Variants in MAST2 observed in about 807,000 individuals in gnomAD.
MAST2 encodes microtubule associated serine/threonine kinase 2, also known as microtubule-associated serine/threonine-protein kinase 2.
Under a neutral mutation model 147.4 loss-of-function variants are expected in MAST2, and 70 were observed. That is an observed-to-expected ratio of 0.47 (90% CI 0.39 to 0.58). The LOEUF is 0.58. MAST2 is among the 20% of genes least tolerant of loss of function. The pLI is 0.00. For synonymous variants in MAST2, 869 were observed against 896.8 expected (o/e 0.97, Z 0.55); for missense variants, 2,080 against 2,302.3 (o/e 0.90, Z 1.98).
chr1:45,913,935 G>T (rs1652068910), intron 4 of MAST2: 1 of 1,122,116 alleles, frequency 8.9e-7, no homozygotes, highest in Admixed American at 4.0e-5. Context: ...AAAAACTAAT[G>T]CCAACTAACA....
chr1:46,017,560 T>C (rs1463232436), intron 10 of MAST2, among the ~76,000 whole-genome samples: 6 of 151,788 alleles, frequency 4.0e-5, no homozygotes, highest in Non-Finnish European at 7.4e-5. Flanking sequence ...AAAAAACACA[T>C]GAAAAAATGC....
chr1:45,811,183 T>TTTA (rs1644282643), intron 1 of MAST2, among the ~76,000 whole-genome samples: 1 of 140,304 alleles, frequency 7.1e-6, no homozygotes, highest in African/African-American at 2.8e-5. Context: ...TTTTTTTTTT[T>TTTA]GAGACGAAGT....
intron 4 of MAST2, among the ~76,000 whole-genome samples, chr1:45,955,192 A>G (rs1471631919): frequency 6.6e-6 from 1 of 152,140 alleles, no homozygotes; most frequent in Non-Finnish European, 1.5e-5. Context: ...AATATATACC[A>G]TCATATATAT....
intron 4 of MAST2, among the ~76,000 whole-genome samples, chr1:45,899,009 T>G (rs892873011): frequency 4.6e-5 from 7 of 152,210 alleles, no homozygotes; most frequent in South Asian, 2.1e-4. Flanking sequence ...TTGGTTACAT[T>G]GCATGAGGTC....
chr1:45,892,243 A>G (rs1191944213), intron 4 of MAST2, among the ~76,000 whole-genome samples: 1 of 152,094 alleles, frequency 6.6e-6, no homozygotes, highest in East Asian at 1.9e-4. Context: ...CTGTAAGGAG[A>G]CTCAGTAAGA....
At chr1:45,816,929 G>T (rs967204943) in intron 1 of MAST2, among the ~76,000 whole-genome samples, 10 of 152,070 alleles carry the variant, frequency 6.6e-5, no homozygotes, top group Non-Finnish European at 1.2e-4. Flanking sequence ...CACCTGCCTC[G>T]GCTTCCCAAA....
intron 1 of MAST2, among the ~76,000 whole-genome samples, chr1:45,817,867 T>G (rs898464156): frequency 6.6e-6 from 1 of 152,152 alleles, no homozygotes; most frequent in Admixed American, 6.5e-5. Flanking sequence ...TCTTTATTAA[T>G]CAAAATAGGA....
At position 45,845,259 on chromosome 1, in the gene MAST2, A is replaced by G. The variant is rs150714993; in HGVS notation, c.468+15678A>G. On this transcript the variant is annotated intron_variant, in intron 3 of 28. Coordinates refer to ENST00000361297, the MANE Select transcript of MAST2 (RefSeq NM_015112.3). ...GAACGGCATTATTAAACCACTAGTA[A>G]AAAGTTATAAGAGCAGGTTTTGTTT... Among the ~76,000 whole-genome samples the G allele has an allele frequency of 2.0e-3, 301 of 152,314 alleles. 2 individuals carry two copies. Among genetic ancestry groups the G allele is most frequent in the African/African-American group, 7.0e-3 (292 of 41,576 alleles).
intron 12 of MAST2, 137 bp downstream of exon 12, chr1:46,022,219 A>G (rs181665427): frequency 3.8e-6 from 4 of 1,039,180 alleles, no homozygotes; most frequent in African/African-American, 1.6e-5. Context: ...ATTTTAGGAG[A>G]TACCCTGTGA....
intron 5 of MAST2, among the ~76,000 whole-genome samples, chr1:45,980,641 C>A (rs1644370085): frequency 6.6e-6 from 1 of 152,034 alleles, no homozygotes. Flanking sequence ...CTCAAACAGT[C>A]CTCCCACCTC....
chr1:45,978,990 C>G (rs1040910577), intron 5 of MAST2, among the ~76,000 whole-genome samples: 4 of 152,128 alleles, frequency 2.6e-5, no homozygotes, highest in Admixed American at 6.5e-5. Context: ...AAACTGCACA[C>G]TTAAGGGTAA....
At chr1:45,930,840 A>G (rs1443356690) in intron 4 of MAST2, among the ~76,000 whole-genome samples, 2 of 152,190 alleles carry the variant, frequency 1.3e-5, no homozygotes, top group African/African-American at 4.8e-5. Flanking sequence ...TTTAAGGGAT[A>G]TTTACAAAAA....
rs368597708 is a variant in MAST2, at chr1:46,033,917, G to A, written c.3653G>A (p.Arg1218His). The A allele has an allele frequency of 1.4e-4, 219 of 1,614,008 alleles. 1 individual carries two copies. Among genetic ancestry groups the A allele is most frequent in the Admixed American group, 2.5e-4 (15 of 59,986 alleles). ...AKMARRSKRS[R>H]GKDGQESRKR... ...ATGGCCCGAAGGAGCAAGAGGAGCC[G>A]CGGCAAGGATGGGCAAGAAAGGTGA... Residue 1218 changes from arginine (R) to histidine (H), a missense_variant, in exon 27 of 29, where the codon CGC becomes CAC. By Grantham distance (29) the Arg-to-His change is conservative. Around this residue, in one of 4 missense-constraint regions of MAST2, gnomAD observed 1,278 missense variants for 1,304.2 expected, o/e 0.98. Transcript: ENST00000361297.
intron 5 of MAST2, among the ~76,000 whole-genome samples, chr1:45,993,534 A>C (rs1485965275): frequency 6.6e-6 from 1 of 151,992 alleles, no homozygotes; most frequent in African/African-American, 2.4e-5. Context: ...AAATAGAAAA[A>C]TTAGCCAGGC....
In MAST2 at chr1:45,803,857, C is replaced by T. The variant is rs1644059979; in HGVS notation, c.-39C>T. ...GGCCCGGGGCAGTGCGGAGCCGGGA[C>T]AGTCGCGGCGCTGACGCCCGCGGGC... On this transcript the variant is annotated 5_prime_UTR_variant, in exon 1 of 29. It introduces an in-frame stop codon into an upstream open reading frame of the 5' UTR. Coordinates refer to ENST00000361297, the MANE Select transcript of MAST2 (RefSeq NM_015112.3). 1 of 524,826 alleles carries T rather than the reference C, an allele frequency of 1.9e-6. No homozygotes were observed. Among genetic ancestry groups the T allele is most frequent in the South Asian group, 5.4e-5 (1 of 18,528 alleles). 32.5% of individuals were successfully genotyped at this position (524,826 alleles called of 1,614,324 possible). A position where few individuals can be genotyped will look rare whatever the true frequency, so the allele number is the denominator to read the frequency against.
chr1:45,921,415 GGGCCCAGTT>G (rs1653461182), intron 4 of MAST2, among the ~76,000 whole-genome samples: 1 of 152,092 alleles, frequency 6.6e-6, no homozygotes, highest in Non-Finnish European at 1.5e-5. Flanking sequence ...CAGGCCTGCT[GGGCCCAGTT>G]GGCCCAGCAG....
At chr1:45,829,741 A>T (rs1644895119) in intron 3 of MAST2, among the ~76,000 whole-genome samples, 160 bp downstream of exon 3, 1 of 152,142 alleles carries the variant, frequency 6.6e-6, no homozygotes, top group African/African-American at 2.4e-5. Flanking sequence ...TTTTAGAGAT[A>T]GGGTCTTGCT....
rs890929961 is a variant in MAST2 at position 45,870,226 on chromosome 1, T to C, written c.469-12138T>C. ...GGCATGAGCTACTGCGCCCAGCTTT[T>C]GATTCTTTGTATACCTGTTTGACAT... On this transcript the variant is annotated intron_variant, in intron 3 of 28. Coordinates refer to ENST00000361297, the MANE Select transcript of MAST2 (RefSeq NM_015112.3). Among the ~76,000 whole-genome samples the C allele has an allele frequency of 2.6e-5, 4 of 152,164 alleles. No individual in the cohort carries two copies. In the East Asian group the frequency reaches 7.7e-4, roughly 29 times the overall value.
At position 46,010,756 on chromosome 1, in the gene MAST2, A is replaced by G. The variant is rs1645680255; in HGVS notation, c.1005A>G (p.Leu335=). 6.2e-7 allele frequency: 1 copy of G among 1,613,762 alleles called. No individual in the cohort carries two copies. ...CCACCGCACAAATGGAAGAGCGACT[A>G]GCAGAGTTTATTTCCTCCAACACTC... ...PKATAQMEER[L]AEFISSNTPD... Residue 335 remains leucine (L), a synonymous_variant, in exon 10 of 29, where the codon CTA becomes CTG. Transcript: ENST00000361297.
Sources: allele counts gnomAD v4.1 joint callset (sites outside exome capture counted in the v4.1 genomes callset), GRCh38; gene constraint gnomAD v4.1.1; regional missense constraint gnomAD v4.1.1; transcripts MANE v1.5; gene names NCBI Gene and HGNC (gene_info 2026-07-23, HGNC 2026-07-21).